Variants in SLC5A10 observed in about 807,000 individuals in gnomAD.
The protein encoded by SLC5A10 is solute carrier family 5 member 10.
A neutral mutation model predicts 68.9 loss-of-function variants in SLC5A10; 55 were observed. The ratio of observed to expected loss-of-function variants is 0.80; its 90% confidence interval spans 0.64 to 1.00. The LOEUF is 1.00. SLC5A10 is among the 50% of genes least tolerant of loss of function. The pLI, the probability that SLC5A10 is intolerant of heterozygous loss-of-function variation, is 0.00. For synonymous variants in SLC5A10, 344 were observed against 344.8 expected, an observed-to-expected ratio of 1.00 and a Z score of 0.02; for missense variants, 732 against 819.3, an observed-to-expected ratio of 0.89 and a Z score of 1.30.
At chr17:18,958,603 G>T (rs1451198764) in intron 1 of SLC5A10, 79 bp from the exon 2 acceptor site, 1 of 1,265,886 alleles carries the variant, frequency 7.9e-7, no homozygotes, top group Admixed American at 1.8e-5. Context: ...CTTTTGAGGA[G>T]CTGCCAAGCC....
At chr17:18,960,311 A>C (rs1003774597) in intron 4 of SLC5A10, among the ~76,000 whole-genome samples, 1 of 152,170 alleles carries the variant, frequency 6.6e-6, no homozygotes, top group African/African-American at 2.4e-5. Context: ...CTAAAGAGCC[A>C]GTCTAGGGAT....
intron 8 of SLC5A10, 82 bp from the exon 9 acceptor site, chr17:18,976,772 T>A: frequency 1.9e-6 from 3 of 1,553,396 alleles, no homozygotes; most frequent in South Asian, 2.4e-5. Context: ...CTCATGCCCA[T>A]TCCCTGAGGC....
chr17:18,988,141 C>T, intron 9 of SLC5A10: 2 of 1,488,600 alleles, frequency 1.3e-6, no homozygotes, highest in Non-Finnish European at 1.8e-6. Context: ...ACTCTGAGTG[C>T]CTGGCACAGG....
rs144025728 is a variant in SLC5A10, at chr17:18,990,366, C to T, written c.982+13377C>T. On this transcript the variant is annotated intron_variant, in intron 9 of 14. Transcript: ENST00000395645. ...TGTGGTGGTAGCAGGGTCCTCCCTG[C>T]CTGGGATCTCCCAGACCCAAAGCCT... 5.3e-5 allele frequency among the ~76,000 whole-genome samples: 8 copies of T among 152,184 alleles called. 1 individual carries two copies. The highest frequency in any genetic ancestry group is 1.9e-4 in the African/African-American group (8 of 41,536).
chr17:19,004,206 A>G lies in SLC5A10; in HGVS notation c.983-9204A>G, dbSNP rs946697447. Reference sequence around the variant, plus strand: ...ACCTGATGAGCCCGGCTCGGCGGGGAGGGCGGGCCGCGCGGGGAGGGGCGG... The same window carrying G: ...ACCTGATGAGCCCGGCTCGGCGGGGGGGGCGGGCCGCGCGGGGAGGGGCGG... On this transcript the variant is annotated intron_variant, in intron 9 of 14. Coordinates refer to ENST00000395645, the MANE Select transcript of SLC5A10 (RefSeq NM_001042450.4). This position sits in a 1 kb window ranked among gnomAD's most constrained non-coding sequence, Gnocchi z 5.4. 9.7e-5 allele frequency: 17 copies of G among 174,906 alleles called. No homozygotes were observed. The highest frequency in any genetic ancestry group is 3.1e-4 in the South Asian group (4 of 12,800). 10.8% of individuals were successfully genotyped at this position (174,906 alleles called of 1,614,324 possible).
At chr17:18,964,587 G>A (rs959626234) in intron 5 of SLC5A10, among the ~76,000 whole-genome samples, 1 of 152,230 alleles carries the variant, frequency 6.6e-6, no homozygotes, top group Admixed American at 6.5e-5. Context: ...AAGCAAACAC[G>A]GTGAAGGGGG....
chr17:18,994,976 A>C (rs2043526312), intron 9 of SLC5A10, among the ~76,000 whole-genome samples: 1 of 152,246 alleles, frequency 6.6e-6, no homozygotes. Context: ...TGCCTAATAA[A>C]GCTTGACAGG....
chr17:18,952,880 C>T (rs546126049), intron 1 of SLC5A10, among the ~76,000 whole-genome samples: 5 of 152,108 alleles, frequency 3.3e-5, no homozygotes, highest in East Asian at 1.9e-4. Flanking sequence ...CCAGGGGCAG[C>T]GGGGCCCCTG....
intron 5 of SLC5A10, among the ~76,000 whole-genome samples, chr17:18,967,533 T>C (rs1014622272): frequency 6.6e-6 from 1 of 152,304 alleles, no homozygotes; most frequent in Non-Finnish European, 1.5e-5. Flanking sequence ...TGAAGGGCCA[T>C]GTGTCTGGCG....
chr17:19,009,539 C>T (rs2043970420), intron 9 of SLC5A10, among the ~76,000 whole-genome samples: 1 of 152,182 alleles, frequency 6.6e-6, no homozygotes, highest in African/African-American at 2.4e-5. Context: ...GATTTGTACT[C>T]AGGTCTGGGA....
At position 19,003,665 on chromosome 17, in the gene SLC5A10, C is replaced by A. The variant is rs1346487933; in HGVS notation, c.983-9745C>A. On this transcript the variant is annotated intron_variant, in intron 9 of 14. Transcript: ENST00000395645. This position sits in a 1 kb window ranked among gnomAD's most constrained non-coding sequence, Gnocchi z 4.5. The stretch of plus-strand genomic sequence containing the variant: ...GCCCAGGTCCAGCTGCGGGATGGAG[C>A]GGTCCGACTTCTGGGGCCAGTACTC... 2 of 1,611,492 alleles carry A rather than the reference C, an allele frequency of 1.2e-6. No individual in the cohort carries two copies. Among genetic ancestry groups the A allele is most frequent in the East Asian group, 2.2e-5 (1 of 44,854 alleles).
Position 19,019,427 on chromosome 17 carries a change from G to C in SLC5A10, c.1246G>C (p.Val416Leu). Residue 416 changes from valine (V) to leucine (L), a missense_variant, in exon 12 of 15, where the codon GTC becomes CTC. By Grantham distance (32) the Val-to-Leu change is conservative. Transcript: ENST00000395645. ...CTGCCTTCCACTCGCCTGCAGGCTG[G>C]TCATAGTGGCACTCATCGGCGTGAG... ...ERELLLVGRLVIVALIGVSVA... is the reference protein window; with the variant it reads ...ERELLLVGRLLIVALIGVSVA... 7.5e-6 allele frequency: 12 copies of C among 1,609,952 alleles called. No individual in the cohort carries two copies. Among genetic ancestry groups the C allele is most frequent in the Non-Finnish European group, 1.0e-5 (12 of 1,179,638 alleles).
Position 19,022,088 on chromosome 17 carries a change from C to A in SLC5A10, c.*1657C>A, listed in dbSNP as rs957663914. 1.3e-6 allele frequency: 2 copies of A among 1,587,408 alleles called. No homozygotes were observed. The highest frequency in any genetic ancestry group is 1.8e-5 in the Admixed American group (1 of 56,356). Reference sequence around the variant, plus strand: ...TGTCGCCACGGCGGAAGCTGAGCTGCGAGGGGTCCTGGGCTGAGAAGTCAA... The same window carrying A: ...TGTCGCCACGGCGGAAGCTGAGCTGAGAGGGGTCCTGGGCTGAGAAGTCAA... On this transcript the variant is annotated 3_prime_UTR_variant, in exon 15 of 15. Transcript: ENST00000395645.
chr17:19,019,494 A>T lies in SLC5A10; in HGVS notation c.1313A>T (p.Gln438Leu), dbSNP rs2044212146. 4 of 1,612,440 alleles carry T rather than the reference A, an allele frequency of 2.5e-6. No homozygotes were observed. The East Asian group carries it at 8.9e-5, about 36-fold the overall frequency. The change falls in exon 12 of 15, where the codon CAA (glutamine) becomes CTA (leucine). Residue 438 changes from glutamine to leucine, a missense_variant. By Grantham distance (113) the Gln-to-Leu change is moderately radical (BLOSUM62 -2). Coordinates refer to ENST00000395645, the MANE Select transcript of SLC5A10 (RefSeq NM_001042450.4). ...IPVLQDSNSG[Q>L]LFIYMQSVTS... ...GTCCTGCAGGACTCCAACAGCGGGC[A>T]ACTCTTCATCTACATGCAGTCAGTG... is the stretch of plus-strand genomic sequence containing the variant.
At position 18,959,192 on chromosome 17, in the gene SLC5A10, G is replaced by A; in HGVS notation, c.241G>A (p.Gly81Ser). 6.2e-7 allele frequency: 1 copy of A among 1,613,696 alleles called. No individual in the cohort carries two copies. Among genetic ancestry groups the A allele is most frequent in the South Asian group, 1.1e-5 (1 of 91,088 alleles). Residue 81 changes from glycine (G) to serine (S), a missense_variant, in exon 3 of 15, where the codon GGC becomes AGC. Gly to Ser is a moderately conservative substitution (Grantham distance 56). Coordinates refer to ENST00000395645, the MANE Select transcript of SLC5A10 (RefSeq NM_001042450.4). ...CTCTGGCCTCTTCATTGGACTGGCG[G>A]GCTCAGGCGCGGCAGGAGGTCTGGC... The part of the protein sequence containing the change: ...EGSGLFIGLA[G>S]SGAAGGLAVA...
chr17:19,020,243 C>G, intron 14 of SLC5A10, 31 bp downstream of exon 14: 2 of 1,613,858 alleles, frequency 1.2e-6, no homozygotes, highest in Non-Finnish European at 1.7e-6. Context: ...ACTCCTCCAC[C>G]TTGACCCTGG....
intron 9 of SLC5A10, among the ~76,000 whole-genome samples, chr17:18,983,298 G>A (rs2043184847): frequency 6.6e-6 from 1 of 152,232 alleles, no homozygotes; most frequent in Non-Finnish European, 1.5e-5. Context: ...ATGGCCATGG[G>A]GCGCTCGAGG....
chr17:19,009,111 C>A (rs996750009), intron 9 of SLC5A10, among the ~76,000 whole-genome samples: 1 of 152,132 alleles, frequency 6.6e-6, no homozygotes, highest in Admixed American at 6.5e-5. Context: ...CCGTTCCTGG[C>A]CAGTCTCAGA....
intron 11 of SLC5A10, among the ~76,000 whole-genome samples, chr17:19,016,372 G>A (rs1388465556): frequency 6.6e-6 from 1 of 152,100 alleles, no homozygotes; most frequent in African/African-American, 2.4e-5. Context: ...CATCCTCAGA[G>A]GTTAGCTCCC....
Sources: gnomAD v4.1 joint callset for allele counts (sites outside exome capture counted in the v4.1 genomes callset) on GRCh38, gnomAD v4.1.1 for gene constraint, Gnocchi (gnomAD v3.1) non-coding constraint, MANE v1.5 for transcripts, NCBI Gene and HGNC (gene_info 2026-07-23, HGNC 2026-07-21) for gene names.